Variants in DAB1 observed in about 807,000 individuals in gnomAD.
The protein encoded by DAB1 is DAB adaptor protein 1.
A neutral mutation model predicts 64.6 loss-of-function variants in DAB1; 15 were observed. That is an observed-to-expected ratio of 0.23 (90% CI 0.16 to 0.36). The LOEUF (loss-of-function observed/expected upper bound fraction) is 0.36. Among genes scored for constraint, DAB1 ranks in the 10% least tolerant of loss-of-function variants. The probability of loss-of-function intolerance (pLI) is 1.00; values close to 1 mark genes in which losing one functional copy is unlikely to be tolerated. For synonymous variants in DAB1, 235 were observed against 251.9 expected, an observed-to-expected ratio of 0.93 and a Z score of 0.64; for missense variants, 596 against 706.7, an observed-to-expected ratio of 0.84 and a Z score of 1.78.
At chr1:57,419,239 G>A (rs1035583191) in intron 1 of DAB1, among the ~76,000 whole-genome samples, 2 of 152,148 alleles carry the variant, frequency 1.3e-5, no homozygotes, top group African/African-American at 2.4e-5. Context: ...AGGAGCACTG[G>A]ACAAGGAGTC....
At chr1:57,638,785 G>C (rs578058377) in intron 7 of DAB1, among the ~76,000 whole-genome samples, 1 of 151,594 alleles carries the variant, frequency 6.6e-6, no homozygotes, top group South Asian at 2.1e-4. Flanking sequence ...GAAAGAGTTG[G>C]ATCTTTTCTT....
At chr1:57,298,435 G>T (rs939628856) in intron 1 of DAB1, among the ~76,000 whole-genome samples, 1 of 152,154 alleles carries the variant, frequency 6.6e-6, no homozygotes, top group Non-Finnish European at 1.5e-5. Context: ...AAATAACACG[G>T]TGATAGGACA....
At chr1:58,041,704 T>C (rs954738373) in intron 5 of DAB1, among the ~76,000 whole-genome samples, 10 of 152,210 alleles carry the variant, frequency 6.6e-5, no homozygotes, top group African/African-American at 2.4e-4. Context: ...GACAATGCCT[T>C]GGGCTTGGCA....
intron 5 of DAB1, chr1:58,047,949 A>G (rs146973046): frequency 0.02 from 9,470 of 478,756 alleles, 403 homozygotes; most frequent in African/African-American, 0.1. Flanking sequence ...GGAATGCTTT[A>G]CACTTTCCAC....
At chr1:57,245,871 A>T (rs189713333) in intron 2 of DAB1, among the ~76,000 whole-genome samples, 1 of 152,226 alleles carries the variant, frequency 6.6e-6, no homozygotes, top group South Asian at 2.1e-4. Flanking sequence ...GTCTTCCACA[A>T]TGGTTGAACT....
intron 5 of DAB1, among the ~76,000 whole-genome samples, chr1:58,023,134 A>C (rs755175990): frequency 2.0e-5 from 3 of 152,172 alleles, no homozygotes; most frequent in Non-Finnish European, 2.9e-5. Context: ...TTCTGTGCTC[A>C]TTTATCGTGC....
intron 6 of DAB1, among the ~76,000 whole-genome samples, chr1:57,784,800 T>C (rs562129503): frequency 3.3e-5 from 5 of 152,336 alleles, no homozygotes; most frequent in African/African-American, 1.2e-4. Flanking sequence ...AAGTGCAAGA[T>C]GAAGGAGCAA....
At chr1:58,467,979 C>G (rs1325196018) in intron 3 of DAB1, 1 of 152,472 alleles carries the variant, frequency 6.6e-6, no homozygotes, top group Non-Finnish European at 1.5e-5. Context: ...GGGTGGAGTG[C>G]AATGGCGCGA....
intron 1 of DAB1, among the ~76,000 whole-genome samples, chr1:57,835,791 T>C (rs1448232814): frequency 6.6e-6 from 1 of 152,196 alleles, no homozygotes; most frequent in Non-Finnish European, 1.5e-5. Flanking sequence ...GGTTACTACT[T>C]AAGCAGCCAC....
chr1:58,348,735 A>G (rs1644023935), intron 3 of DAB1, among the ~76,000 whole-genome samples: 1 of 152,172 alleles, frequency 6.6e-6, no homozygotes, highest in Admixed American at 6.5e-5. Flanking sequence ...CTACAATGAG[A>G]TTTTACACAC....
chr1:57,642,543 C>T (rs1646142612), intron 7 of DAB1, among the ~76,000 whole-genome samples: 1 of 152,192 alleles, frequency 6.6e-6, no homozygotes, highest in Non-Finnish European at 1.5e-5. Flanking sequence ...CTCCCTCAAG[C>T]CCCAATCTTC....
chr1:58,001,836 T>G (rs1334581447), intron 5 of DAB1, among the ~76,000 whole-genome samples: 2 of 152,174 alleles, frequency 1.3e-5, no homozygotes, highest in African/African-American at 4.8e-5. Flanking sequence ...TTAAGGATGT[T>G]GAGATGGGGA....
chr1:57,377,766 T>G (rs1187348939), intron 1 of DAB1, among the ~76,000 whole-genome samples: 1 of 152,170 alleles, frequency 6.6e-6, no homozygotes, highest in African/African-American at 2.4e-5. Flanking sequence ...AGGGACCGTC[T>G]GCAAAGGCGT....
At chr1:57,121,510 A>G (rs1244581784) in intron 4 of DAB1, among the ~76,000 whole-genome samples, 1 of 152,138 alleles carries the variant, frequency 6.6e-6, no homozygotes, top group Non-Finnish European at 1.5e-5. Context: ...ATGCTAATTT[A>G]TGCTTCACTT....
intron 7 of DAB1, among the ~76,000 whole-genome samples, chr1:57,435,624 T>C (rs544530882): frequency 5.1e-4 from 78 of 152,242 alleles, no homozygotes; most frequent in African/African-American, 1.8e-3. Flanking sequence ...CCCAGGAGCA[T>C]CCATATCACT....
intron 7 of DAB1, among the ~76,000 whole-genome samples, chr1:57,555,191 C>T (rs1489954681): frequency 6.6e-6 from 1 of 151,770 alleles, no homozygotes; most frequent in South Asian, 2.1e-4. Context: ...CGTGCCCCCA[C>T]ACCCAGGTAA....
chr1:58,202,047 A>C (rs961112482), intron 4 of DAB1, among the ~76,000 whole-genome samples: 4 of 152,186 alleles, frequency 2.6e-5, no homozygotes, highest in African/African-American at 9.6e-5. Context: ...CAACAATCCC[A>C]CCCACCTCAC....
chr1:58,079,910 T>C (rs915474561), intron 5 of DAB1: 2 of 152,200 alleles, frequency 1.3e-5, no homozygotes, highest in Non-Finnish European at 2.9e-5. Flanking sequence ...GTGTCTACTA[T>C]AGAGCTTGGC....
At chr1:57,161,798 A>T (rs1424161335) in intron 2 of DAB1, among the ~76,000 whole-genome samples, 1 of 151,864 alleles carries the variant, frequency 6.6e-6, no homozygotes, top group African/African-American at 2.4e-5. Context: ...ATTCAAGTGT[A>T]TACTCTTCCA....
Sources: allele counts gnomAD v4.1 joint callset (sites outside exome capture counted in the v4.1 genomes callset), GRCh38; gene constraint gnomAD v4.1.1; transcripts MANE v1.5; gene names NCBI Gene and HGNC (gene_info 2026-07-23, HGNC 2026-07-21).